WDPCP: variants seen among roughly 807,000 people sequenced by gnomAD.
WDPCP encodes WD repeat containing planar cell polarity effector.
Under a neutral mutation model 93.1 loss-of-function variants are expected in WDPCP, and 71 were observed. The ratio of observed to expected loss-of-function variants is 0.76; its 90% CI spans 0.63 to 0.93. The LOEUF (loss-of-function observed/expected upper bound fraction) is 0.93. Among genes scored for constraint, WDPCP ranks in the 40% least tolerant of loss-of-function variants. The probability of loss-of-function intolerance (pLI) is 0.00; values close to 1 mark genes in which losing one functional copy is unlikely to be tolerated. For missense variants in WDPCP, 844 were observed against 887.4 expected (o/e 0.95, Z 0.62); for synonymous variants, 315 against 315.0 (o/e 1.00, Z 0.00).
At chr2:63,586,074 C>G (rs1368919748) in intron 1 of WDPCP, among the ~76,000 whole-genome samples, 1 of 152,106 alleles carries the variant, frequency 6.6e-6, no homozygotes, top group Admixed American at 6.5e-5. Context: ...AAGCAGTCCT[C>G]CGGCCTTAGC....
chr2:63,129,030 AT>A (rs1356856018), intron 17 of WDPCP, among the ~76,000 whole-genome samples: 1 of 152,196 alleles, frequency 6.6e-6, no homozygotes, highest in African/African-American at 2.4e-5. Flanking sequence ...GAGTAATGCA[AT>A]ATTTGTCCTT....
chr2:63,166,680 A>G (rs1186913001), intron 15 of WDPCP, among the ~76,000 whole-genome samples: 2 of 152,206 alleles, frequency 1.3e-5, no homozygotes, highest in Non-Finnish European at 2.9e-5. Context: ...GGCATTAGCC[A>G]CCGTGCCTGG....
chr2:63,630,241 C>G (rs1709851335), intron 3 of WDPCP, among the ~76,000 whole-genome samples: 1 of 151,894 alleles, frequency 6.6e-6, no homozygotes, highest in Admixed American at 6.6e-5. Flanking sequence ...CCGGAGGAAA[C>G]AAATAGAAAG....
At chr2:63,632,729 C>G (rs1000794217) in intron 3 of WDPCP, among the ~76,000 whole-genome samples, 10 of 151,850 alleles carry the variant, frequency 6.6e-5, no homozygotes, top group Non-Finnish European at 1.5e-4. Flanking sequence ...TTATAGGACA[C>G]CAAAAAGCAG....
At chr2:63,820,052 ACTT>A (rs1446060282) in intron 1 of WDPCP, among the ~76,000 whole-genome samples, 1 of 152,080 alleles carries the variant, frequency 6.6e-6, no homozygotes, top group Non-Finnish European at 1.5e-5. Context: ...CTTCCCAAAA[ACTT>A]CTTCTGTGAG....
At chr2:63,455,253 A>G (rs1473100836) in intron 6 of WDPCP, among the ~76,000 whole-genome samples, 2 of 152,240 alleles carry the variant, frequency 1.3e-5, no homozygotes, top group Admixed American at 1.3e-4. Context: ...CCTAAAGACA[A>G]TTAACAATAT....
At chr2:63,641,660 G>C (rs1223071263) in intron 3 of WDPCP, among the ~76,000 whole-genome samples, 4 of 152,026 alleles carry the variant, frequency 2.6e-5, no homozygotes, top group African/African-American at 7.2e-5. Flanking sequence ...TCCCTATAGA[G>C]TTGTTTGAGC....
intron 1 of WDPCP, among the ~76,000 whole-genome samples, chr2:63,494,416 A>G (rs1701092499): frequency 1.3e-5 from 2 of 152,154 alleles, no homozygotes; most frequent in South Asian, 4.1e-4. Flanking sequence ...TAACTCTCTT[A>G]ATCCTCATAG....
chr2:63,134,190 C>T (rs1453215437), intron 17 of WDPCP, among the ~76,000 whole-genome samples: 1 of 152,132 alleles, frequency 6.6e-6, no homozygotes, highest in Non-Finnish European at 1.5e-5. Context: ...ATTCTAATCC[C>T]ACCTGGTCAA....
intron 1 of WDPCP, among the ~76,000 whole-genome samples, chr2:63,583,618 T>C (rs1036243743): frequency 1.3e-5 from 2 of 151,580 alleles, no homozygotes; most frequent in African/African-American, 4.9e-5. Context: ...GAAGTGGAGC[T>C]TGCAGTGAGC....
At chr2:63,438,661 C>T (rs1697300369) in intron 7 of WDPCP, among the ~76,000 whole-genome samples, 1 of 151,940 alleles carries the variant, frequency 6.6e-6, no homozygotes, top group East Asian at 1.9e-4. Flanking sequence ...ACAATCCTAC[C>T]CCCAGCTTAT....
chr2:63,587,820 T>C (rs1199914331), intron 1 of WDPCP, among the ~76,000 whole-genome samples: 1 of 152,242 alleles, frequency 6.6e-6, no homozygotes, highest in East Asian at 1.9e-4. Context: ...AGACTCAAGA[T>C]GGTTTAAGGC....
Position 63,468,428 on chromosome 2 carries a change from G to C in WDPCP, c.384+16176C>G, listed in dbSNP as rs139754900. ...CTTGGAATTAAAACAGCTGTTTACT[G>C]TCTTACCTCCACCCCACAGCCTCTC... On this transcript the variant is annotated intron_variant, in intron 6 of 17. Transcript: ENST00000272321. 2.2e-4 allele frequency among the ~76,000 whole-genome samples: 33 copies of C among 152,266 alleles called. No individual in the cohort carries two copies. The East Asian group carries it at 4.6e-3, about 21-fold the overall frequency.
chr2:63,328,695 A>G (rs1168240500), intron 12 of WDPCP, among the ~76,000 whole-genome samples: 2 of 152,146 alleles, frequency 1.3e-5, no homozygotes, highest in African/African-American at 2.4e-5. Flanking sequence ...AAACATATCT[A>G]TCACTTCCAA....
chr2:63,643,185 C>A (rs1710002565), intron 3 of WDPCP: 1 of 183,370 alleles, frequency 5.5e-6, no homozygotes, highest in Non-Finnish European at 1.1e-5. Context: ...CCAACTTGGT[C>A]ATGATGAATG....
At chr2:63,530,853 G>A (rs775186519) in intron 1 of WDPCP, among the ~76,000 whole-genome samples, 1 of 149,768 alleles carries the variant, frequency 6.7e-6, no homozygotes, top group Admixed American at 6.7e-5. Flanking sequence ...TGGACAGTGG[G>A]TGTAGCCCAC....
intron 2 of WDPCP, among the ~76,000 whole-genome samples, chr2:63,719,421 TA>T (rs1669384165): frequency 6.6e-6 from 1 of 152,106 alleles, no homozygotes; most frequent in Non-Finnish European, 1.5e-5. Context: ...CAACAAAACC[TA>T]GCTGAAAATC....
intron 1 of WDPCP, among the ~76,000 whole-genome samples, chr2:63,570,124 C>T (rs530580703): frequency 6.6e-6 from 1 of 151,942 alleles, no homozygotes; most frequent in Non-Finnish European, 1.5e-5. Flanking sequence ...TCAAATTTGG[C>T]CTTTTTCAAA....
At chr2:63,550,615 T>TG (rs141508326) in intron 1 of WDPCP, among the ~76,000 whole-genome samples, 26,004 of 151,880 alleles carry the variant, frequency 0.17, 2,949 homozygotes, top group Non-Finnish European at 0.23. Flanking sequence ...CTGCTATCCT[T>TG]GGGTGATCAT....
Sources: gnomAD v4.1 joint callset for allele counts (sites outside exome capture counted in the v4.1 genomes callset) on GRCh38, gnomAD v4.1.1 for gene constraint, MANE v1.5 for transcripts, NCBI Gene and HGNC (gene_info 2026-07-23, HGNC 2026-07-21) for gene names.